The following CEP83 variants were observed in gnomAD, a reference collection of about 807,000 sequenced individuals.
The protein encoded by CEP83 is centrosomal protein 83, also known as centrosomal protein of 83 kDa.
CEP83 carries 70 observed loss-of-function variants against 101.9 expected under a neutral mutation model. That is an observed-to-expected ratio of 0.69 (90% CI 0.57 to 0.84). The LOEUF (loss-of-function observed/expected upper bound fraction) is 0.84. Among genes scored for constraint, CEP83 ranks in the 40% least tolerant of loss-of-function variants. The pLI is 0.00. For missense variants in CEP83, 715 were observed against 787.2 expected (o/e 0.91, Z 1.10); for synonymous variants, 264 against 267.9 (o/e 0.99, Z 0.14).
intron 2 of CEP83, among the ~76,000 whole-genome samples, chr12:94,433,664 G>A (rs1265108676): frequency 6.6e-6 from 1 of 151,182 alleles, no homozygotes; most frequent in Non-Finnish European, 1.5e-5. Context: ...CCTGGGTGAC[G>A]AGGTGAGACC....
chr12:94,404,536 A>G (rs2063430793), intron 4 of CEP83, among the ~76,000 whole-genome samples: 1 of 152,154 alleles, frequency 6.6e-6, no homozygotes, highest in Non-Finnish European at 1.5e-5. Context: ...ACACTGGTAG[A>G]AATATCTAAA....
At chr12:94,354,355 T>C (rs1319312296) in intron 11 of CEP83, among the ~76,000 whole-genome samples, 1 of 152,056 alleles carries the variant, frequency 6.6e-6, no homozygotes, top group Non-Finnish European at 1.5e-5. Flanking sequence ...TCAATTTTTT[T>C]CTGTATTTTT....
the CEP83 span, among the ~76,000 whole-genome samples, chr12:94,298,973 A>C: frequency 2.0e-5 from 3 of 152,230 alleles, no homozygotes; most frequent in Admixed American, 6.5e-5. Context: ...ACAATAAAGG[A>C]AACCATTCCT....
chr12:94,285,314 C>A, the CEP83 span, among the ~76,000 whole-genome samples: 1 of 152,170 alleles, frequency 6.6e-6, no homozygotes, highest in African/African-American at 2.4e-5. Context: ...TGAGACTGTT[C>A]CCGAGCAGAG....
At chr12:94,397,435 C>G (rs2062969765) in intron 6 of CEP83, among the ~76,000 whole-genome samples, 3 of 152,028 alleles carry the variant, frequency 2.0e-5, no homozygotes, top group Non-Finnish European at 2.9e-5. Context: ...GAGGCAGAGG[C>G]TGCAGTAAGC....
At chr12:94,392,593 A>G (rs957765393) in intron 6 of CEP83, among the ~76,000 whole-genome samples, 2 of 152,344 alleles carry the variant, frequency 1.3e-5, no homozygotes, top group Admixed American at 6.5e-5. Context: ...GAGAAGCAAG[A>G]GCAAACACAT....
intron 14 of CEP83, among the ~76,000 whole-genome samples, chr12:94,330,077 G>A (rs369875446): frequency 6.6e-6 from 1 of 152,214 alleles, no homozygotes; most frequent in Non-Finnish European, 1.5e-5. Context: ...ATAACTGAAC[G>A]ATCTACAGTT....
At chr12:94,331,563 G>C in intron 14 of CEP83, 137 bp downstream of exon 14, 1 of 690,750 alleles carries the variant, frequency 1.4e-6, no homozygotes. Context: ...TAGAGATGGG[G>C]TTTCACTGTG....
chr12:94,388,412 A>G (rs1336929440), intron 6 of CEP83, among the ~76,000 whole-genome samples: 1 of 152,176 alleles, frequency 6.6e-6, no homozygotes, highest in Non-Finnish European at 1.5e-5. Flanking sequence ...AGATGGGAAC[A>G]ATAGAACTGG....
At chr12:94,456,201 G>A (rs1594192796) in intron 1 of CEP83, among the ~76,000 whole-genome samples, 2 of 152,286 alleles carry the variant, frequency 1.3e-5, no homozygotes, top group Admixed American at 1.3e-4. Flanking sequence ...CAAGCCCACT[G>A]AAGAATAGTG....
intron 13 of CEP83, 96 bp from the exon 14 acceptor site, chr12:94,331,925 A>G (rs2059242925): frequency 1.8e-6 from 2 of 1,125,878 alleles, no homozygotes; most frequent in East Asian, 2.4e-5. Context: ...TACCTGTCTG[A>G]CCACATTCTT....
At chr12:94,439,173 T>A (rs1377296660) in intron 1 of CEP83, among the ~76,000 whole-genome samples, 1 of 151,326 alleles carries the variant, frequency 6.6e-6, no homozygotes, top group Non-Finnish European at 1.5e-5. Flanking sequence ...ATAACAAAGA[T>A]CAGAACTAAA....
intron 1 of CEP83, among the ~76,000 whole-genome samples, chr12:94,437,181 TA>T (rs748231815): frequency 3.9e-3 from 527 of 134,518 alleles, no homozygotes; most frequent in Middle Eastern, 3.9e-3. Context: ...CCAACTAAAC[TA>T]AAAAAAAAAA....
rs1705476267 is a variant in CEP83 at position 94,308,702 on chromosome 12, T to G, written c.*111A>C. ...AGTAGGTACCTTTTCTTGAGGCACA[T>G]TCAAGTGTTTTGGCAAACAGTAAAA... is the stretch of plus-strand genomic sequence containing the variant. On this transcript the variant is annotated 3_prime_UTR_variant, in exon 17 of 17. Coordinates refer to ENST00000397809, the MANE Select transcript of CEP83 (RefSeq NM_016122.3). 1 of 694,304 alleles carries G rather than the reference T, an allele frequency of 1.4e-6. No individual in the cohort carries two copies. The highest frequency in any genetic ancestry group is 1.8e-5 in the African/African-American group (1 of 56,314). The allele number at this position is 694,304 out of a possible 1,614,324, so 43.0% of individuals were successfully genotyped here. A position where few individuals can be genotyped will look rare whatever the true frequency, so the allele number is the denominator to read the frequency against.
At chr12:94,324,536 G>A (rs1246204662) in intron 14 of CEP83, among the ~76,000 whole-genome samples, 1 of 151,860 alleles carries the variant, frequency 6.6e-6, no homozygotes, top group Non-Finnish European at 1.5e-5. Context: ...CATCTACTTT[G>A]TGGGGAGTCT....
At chr12:94,454,210 A>C (rs2067469669) in intron 1 of CEP83, among the ~76,000 whole-genome samples, 1 of 152,012 alleles carries the variant, frequency 6.6e-6, no homozygotes, top group East Asian at 1.9e-4. Flanking sequence ...AACTTCATCC[A>C]CTCCAGCTCT....
At chr12:94,438,028 C>A (rs781080854) in intron 1 of CEP83, among the ~76,000 whole-genome samples, 3 of 151,980 alleles carry the variant, frequency 2.0e-5, no homozygotes, top group Non-Finnish European at 4.4e-5. Context: ...ACCAGCCTGG[C>A]CAACACGGCA....
intron 2 of CEP83, among the ~76,000 whole-genome samples, chr12:94,426,975 A>C (rs1385826103): frequency 2.0e-5 from 3 of 152,374 alleles, no homozygotes; most frequent in Non-Finnish European, 4.4e-5. Context: ...AAATGTTGAA[A>C]GAATAATTTT....
chr12:94,332,896 T>C (rs951612520), intron 13 of CEP83, among the ~76,000 whole-genome samples: 5 of 151,996 alleles, frequency 3.3e-5, no homozygotes, highest in African/African-American at 4.8e-5. Context: ...GCCAACATGT[T>C]ATAAAGACAA....
Sources: gnomAD v4.1 joint callset for allele counts (sites outside exome capture counted in the v4.1 genomes callset) on GRCh38, gnomAD v4.1.1 for gene constraint, MANE v1.5 for transcripts, NCBI Gene and HGNC (gene_info 2026-07-23, HGNC 2026-07-21) for gene names.